IMPG1: variants seen among roughly 807,000 people sequenced by gnomAD.
IMPG1 encodes interphotoreceptor matrix proteoglycan 1.
In IMPG1, 85 loss-of-function variants were observed where a neutral mutation model predicts 92.0. The observed-to-expected ratio is 0.92, with a 90% CI of 0.78 to 1.11. The LOEUF (loss-of-function observed/expected upper bound fraction) is 1.11, where lower values mean the gene tolerates loss of function less well. Ranked by LOEUF, IMPG1 falls within the 50% of genes least tolerant of loss-of-function variation. IMPG1 has a pLI of 0.00. For missense variants in IMPG1, 1,022 were observed against 956.0 expected (o/e 1.07, Z -0.91); for synonymous variants, 367 against 334.1 (o/e 1.10, Z -1.08).
intron 14 of IMPG1, among the ~76,000 whole-genome samples, chr6:75,945,873 C>T (rs184630763): frequency 6.6e-6 from 1 of 152,280 alleles, no homozygotes; most frequent in East Asian, 1.9e-4. Context: ...CCTACAGCCG[C>T]ACACCTGGGT....
chr6:76,047,683 A>AG (rs546513985), intron 1 of IMPG1, among the ~76,000 whole-genome samples: 51 of 152,328 alleles, frequency 3.3e-4, no homozygotes, highest in African/African-American at 1.1e-3. Flanking sequence ...ATATTAATTA[A>AG]GTGAATTAAT....
intron 12 of IMPG1, among the ~76,000 whole-genome samples, chr6:75,951,813 A>C (rs970491189): frequency 6.6e-6 from 1 of 152,090 alleles, no homozygotes; most frequent in African/African-American, 2.4e-5. Flanking sequence ...GTAGTAGTAC[A>C]CGCCTGTAAT....
At chr6:75,925,578 G>T (rs1367580122) in intron 15 of IMPG1, among the ~76,000 whole-genome samples, 1 of 152,132 alleles carries the variant, frequency 6.6e-6, no homozygotes, top group African/African-American at 2.4e-5. Flanking sequence ...TATAATACCA[G>T]CACTTTGGTA....
rs1383799849 is a variant in IMPG1, at chr6:75,951,052, G to T, written c.1334C>A (p.Ser445Ter). The change falls in exon 13 of 17, where the codon TCA becomes TAA. Residue 445 changes from serine to a stop codon, truncating the protein, a stop_gained. Coordinates refer to ENST00000369950, the MANE Select transcript of IMPG1 (RefSeq NM_001563.4). LOFTEE classifies it high-confidence loss of function. ...TGCCATAAAGAAAGGTGGAGCTTCT[G>T]ACAGGGAGGTAGAGGCCATAGCAGG... ...SPPAMASTSLSEAPPFFMASS... is the reference protein window; with the variant it reads ...SPPAMASTSL 1.2e-6 allele frequency: 2 copies of T among 1,613,502 alleles called. No homozygotes were observed. Among genetic ancestry groups the T allele is most frequent in the Non-Finnish European group, 1.7e-6 (2 of 1,179,724 alleles).
chr6:76,051,735 C>T (rs1784046963), intron 1 of IMPG1, among the ~76,000 whole-genome samples: 1 of 152,154 alleles, frequency 6.6e-6, no homozygotes, highest in South Asian at 2.1e-4. Flanking sequence ...CCCAAACTGG[C>T]ATTTGTTCAG....
intron 2 of IMPG1, 62 bp downstream of exon 2, chr6:76,041,831 G>T: frequency 1.8e-6 from 2 of 1,111,166 alleles, no homozygotes; most frequent in Non-Finnish European, 2.7e-6. Flanking sequence ...ACAACCTATG[G>T]ATGAATGAAA....
rs140499110 is a variant in IMPG1 at position 75,977,385 on chromosome 6, C to T, written c.1291+25533G>A. ...GGCAGATCAATTGAGATTGGGAGTT[C>T]GCAACCAGCCTGACTGATATGGAGA... is the stretch of plus-strand genomic sequence containing the variant. On this transcript the variant is annotated intron_variant, in intron 12 of 16. Transcript: ENST00000369950. 6.2e-4 allele frequency among the ~76,000 whole-genome samples: 95 copies of T among 152,020 alleles called. 1 individual carries two copies. The highest frequency in any genetic ancestry group is 6.2e-3 in the East Asian group (32 of 5,162).
At chr6:75,929,352 A>G (rs1300338421) in intron 15 of IMPG1, among the ~76,000 whole-genome samples, 1 of 151,700 alleles carries the variant, frequency 6.6e-6, no homozygotes, top group Admixed American at 6.6e-5. Context: ...TATCTTCTGT[A>G]TTTTGCTGGT....
chr6:75,952,022 C>T (rs568196381), intron 12 of IMPG1, among the ~76,000 whole-genome samples: 1 of 152,240 alleles, frequency 6.6e-6, no homozygotes, highest in East Asian at 1.9e-4. Context: ...CAATTTCTAC[C>T]ACCATTTTGC....
At chr6:76,055,531 T>C (rs1408597635) in intron 1 of IMPG1, among the ~76,000 whole-genome samples, 1 of 120,874 alleles carries the variant, frequency 8.3e-6, no homozygotes, top group African/African-American at 2.6e-5. Flanking sequence ...CCAAAGAAAA[T>C]TAGAAAAAAC....
intron 5 of IMPG1, among the ~76,000 whole-genome samples, chr6:76,022,556 T>C (rs1415043922): frequency 6.6e-6 from 1 of 152,216 alleles, no homozygotes; most frequent in Non-Finnish European, 1.5e-5. Flanking sequence ...GAATTTGCTC[T>C]TCTGAGGGTT....
chr6:76,023,144 C>A (rs1783463300), intron 5 of IMPG1, among the ~76,000 whole-genome samples: 2 of 152,092 alleles, frequency 1.3e-5, no homozygotes, highest in Non-Finnish European at 2.9e-5. Context: ...TCAGAATCAT[C>A]TAGGCAAGGC....
chr6:76,021,015 G>T (rs1035787784), intron 6 of IMPG1, among the ~76,000 whole-genome samples: 1 of 152,082 alleles, frequency 6.6e-6, no homozygotes, highest in Non-Finnish European at 1.5e-5. Flanking sequence ...TTTTCTTTCA[G>T]GCCCTCCAAA....
At chr6:76,068,418 C>T (rs1007220537) in intron 1 of IMPG1, among the ~76,000 whole-genome samples, 44 of 151,686 alleles carry the variant, frequency 2.9e-4, no homozygotes, top group African/African-American at 9.4e-4. Flanking sequence ...AGTTACAGAA[C>T]ACTGCTGAAA....
intron 12 of IMPG1, among the ~76,000 whole-genome samples, chr6:75,955,876 G>T (rs1782111495): frequency 6.6e-6 from 1 of 152,162 alleles, no homozygotes; most frequent in Non-Finnish European, 1.5e-5. Context: ...TTTTGTCATT[G>T]GTTCTGTTTA....
rs376105349 is a variant in IMPG1, at chr6:76,072,437, C to G, written c.52G>C (p.Val18Leu). The change falls in exon 1 of 17, where the codon GTT becomes CTT. Residue 18 changes from valine (V) to leucine (L), a missense_variant. Physicochemically the swap from Val to Leu is conservative, Grantham distance 32. Coordinates refer to ENST00000369950, the MANE Select transcript of IMPG1 (RefSeq NM_001563.4). ...AGTAACTTACCTTTGGTTCCTTGAACTTGGAGAAAAATCCAAAAAACAAAA... is the reference window on the plus strand; with the variant it reads ...AGTAACTTACCTTTGGTTCCTTGAAGTTGGAGAAAAATCCAAAAAACAAAA... Reference protein sequence around the residue: ...AIFVFWIFLQVQGTKDISINI... With the variant: ...AIFVFWIFLQLQGTKDISINI... The G allele has an allele frequency of 5.0e-6, 8 of 1,585,286 alleles. No homozygotes were observed. In the East Asian group the frequency reaches 6.8e-5, roughly 13 times the overall value.
chr6:75,966,467 T>C (rs1183814520), intron 12 of IMPG1, among the ~76,000 whole-genome samples: 1 of 152,160 alleles, frequency 6.6e-6, no homozygotes, highest in Non-Finnish European at 1.5e-5. Flanking sequence ...GCTTTCTTGC[T>C]CTCACCCCCT....
intron 4 of IMPG1, among the ~76,000 whole-genome samples, chr6:76,032,385 T>C (rs1041664038): frequency 6.6e-6 from 1 of 152,228 alleles, no homozygotes; most frequent in Non-Finnish European, 1.5e-5. Context: ...CTGTGTTTTG[T>C]GAGCAAAGGT....
intron 7 of IMPG1, among the ~76,000 whole-genome samples, chr6:76,017,848 G>T: frequency 6.6e-6 from 1 of 152,180 alleles, no homozygotes; most frequent in East Asian, 1.9e-4. Flanking sequence ...TGCCCCCCGG[G>T]TTCAAGCGGT....
Sources: gnomAD v4.1 joint callset for allele counts (sites outside exome capture counted in the v4.1 genomes callset) on GRCh38, gnomAD v4.1.1 for gene constraint, MANE v1.5 for transcripts, NCBI Gene and HGNC (gene_info 2026-07-23, HGNC 2026-07-21) for gene names.